The following SIX1 variants were observed in gnomAD, a reference collection of about 807,000 sequenced individuals.
The protein encoded by SIX1 is SIX homeobox 1.
Under a neutral mutation model 26.5 loss-of-function variants are expected in SIX1, and 11 were observed. The observed-to-expected ratio is 0.41, with a 90% confidence interval of 0.26 to 0.69. SIX1 has a LOEUF of 0.69. SIX1 is among the 30% of genes least tolerant of loss of function. SIX1 has a pLI of 0.28. For synonymous variants in SIX1, 177 were observed against 166.2 expected (o/e 1.06, Z -0.50); for missense variants, 333 against 365.9 (o/e 0.91, Z 0.73).
In SIX1 at chr14:60,649,096, T is replaced by G. The variant is rs1895010924; in HGVS notation, c.94A>C (p.Arg32=). The change falls in exon 1 of 2, where the codon AGG becomes CGG. Residue 32 remains arginine (R), a synonymous_variant. Transcript: ENST00000645694. The surrounding 1 kb of genome is among the most constrained non-coding windows in gnomAD (Gnocchi z 5.1). ...QQGGNLERLG[R]FLWSLPACDH... ...CAGGCGGGCAGTGACCACAGGAACC[T>G]GCCCAGGCGCTCCAGGTTTCCGCCT... 6.2e-7 allele frequency: 1 copy of G among 1,613,274 alleles called. No individual in the cohort carries two copies. Among genetic ancestry groups the G allele is most frequent in the Non-Finnish European group, 8.5e-7 (1 of 1,179,702 alleles).
Position 60,644,679 on chromosome 14 carries a change from A to T in SIX1, c.*1604T>A, listed in dbSNP as rs1163613445. On this transcript the variant is annotated 3_prime_UTR_variant, in exon 2 of 2. Transcript: ENST00000645694. ...TCTCCCTGGGGAACAATATTTTACA[A>T]AGCACAAGCAAGCCAATCCTGTTAT... 2 of 152,260 alleles carry T rather than the reference A, an allele frequency of 1.3e-5. No homozygotes were observed. The highest frequency in any genetic ancestry group is 2.9e-5 in the Non-Finnish European group (2 of 68,048). 9.4% of individuals were successfully genotyped at this position (152,260 alleles called of 1,614,324 possible). A position where few individuals can be genotyped will look rare whatever the true frequency, so the allele number is the denominator to read the frequency against.
Position 60,648,549 on chromosome 14 carries a change from G to A in SIX1, c.560+81C>T. 1 of 1,412,942 alleles carries A rather than the reference G, an allele frequency of 7.1e-7. No individual in the cohort carries two copies. Among genetic ancestry groups the A allele is most frequent in the Non-Finnish European group, 9.7e-7 (1 of 1,029,904 alleles). 87.5% of individuals were successfully genotyped at this position (1,412,942 alleles called of 1,614,324 possible). A position where few individuals can be genotyped will look rare whatever the true frequency, so the allele number is the denominator to read the frequency against. On this transcript the variant is annotated intron_variant, in intron 1 of 1. Transcript: ENST00000645694. The surrounding 1 kb of genome is among the most constrained non-coding windows in gnomAD (Gnocchi z 7.9). ...GCCGGCGGGGAGGACTTGGTGGCTG[G>A]TGCCTGCGGGGGCGGGAGGGGGCGG...
chr14:60,648,528 G>A lies in SIX1; in HGVS notation c.560+102C>T, dbSNP rs1219597321. 16 of 1,217,764 alleles carry A rather than the reference G, an allele frequency of 1.3e-5. 1 individual carries two copies. The highest frequency in any genetic ancestry group is 1.4e-5 in the South Asian group (1 of 73,894). The allele number at this position is 1,217,764 out of a possible 1,614,324, so 75.4% of individuals were successfully genotyped here. On this transcript the variant is annotated intron_variant, in intron 1 of 1. Coordinates refer to ENST00000645694, the MANE Select transcript of SIX1 (RefSeq NM_005982.4). The surrounding 1 kb of genome is among the most constrained non-coding windows in gnomAD (Gnocchi z 7.9). ...CCGCCCCGTGGACGGGCTCCGGCCG[G>A]CGGGGAGGACTTGGTGGCTGGTGCC...
In SIX1 at chr14:60,649,420, A is replaced by T; in HGVS notation, c.-231T>A. ...ACGGCCGGCGCACTCAGTAGCCTTT[A>T]AGGCCTTGCTGCCTCCGACCTCCCG... On this transcript the variant is annotated 5_prime_UTR_variant, in exon 1 of 2. Coordinates refer to ENST00000645694, the MANE Select transcript of SIX1 (RefSeq NM_005982.4). This position sits in a 1 kb window ranked among gnomAD's most constrained non-coding sequence, Gnocchi z 5.1. 2.0e-6 allele frequency: 1 copy of T among 511,716 alleles called. No homozygotes were observed. The allele number at this position is 511,716 out of a possible 1,614,324, so 31.7% of individuals were successfully genotyped here.
rs1594672738 is a variant in SIX1, at chr14:60,648,119, C to G, written c.560+511G>C. On this transcript the variant is annotated intron_variant, in intron 1 of 1. Transcript: ENST00000645694. This position sits in a 1 kb window ranked among gnomAD's most constrained non-coding sequence, Gnocchi z 7.9. ...TCCAGCTAGTGAGAAATGAAGCAGG[C>G]TACCTCTAAACCAAAAGACTATCAA... Among the ~76,000 whole-genome samples, 1 of 152,236 alleles carries G rather than the reference C, an allele frequency of 6.6e-6. No homozygotes were observed. Among genetic ancestry groups the G allele is most frequent in the East Asian group, 1.9e-4 (1 of 5,192 alleles).
chr14:60,647,187 C>A lies in SIX1; in HGVS notation c.561-610G>T, dbSNP rs1394058450. 6.6e-6 allele frequency among the ~76,000 whole-genome samples: 1 copy of A among 152,204 alleles called. No individual in the cohort carries two copies. Among genetic ancestry groups the A allele is most frequent in the East Asian group, 1.9e-4 (1 of 5,194 alleles). Reference sequence around the variant, plus strand: ...CAGTGACCTGAGTAAACACAGGGAGCGCAGCCAGTCTCTGATTTCATCTGG... The same window carrying A: ...CAGTGACCTGAGTAAACACAGGGAGAGCAGCCAGTCTCTGATTTCATCTGG... On this transcript the variant is annotated intron_variant, in intron 1 of 1. Transcript: ENST00000645694. This position sits in a 1 kb window ranked among gnomAD's most constrained non-coding sequence, Gnocchi z 5.1.
In SIX1 at chr14:60,647,700, T is replaced by C. The variant is rs1280418679; in HGVS notation, c.560+930A>G. On this transcript the variant is annotated intron_variant, in intron 1 of 1. Coordinates refer to ENST00000645694, the MANE Select transcript of SIX1 (RefSeq NM_005982.4). The surrounding 1 kb of genome is among the most constrained non-coding windows in gnomAD (Gnocchi z 5.1). ...ACCTAACCGGCCCCTGCGCTCAGGTTTTCCCCCAAACTCTTTGGCTTCGCG... is the reference window on the plus strand; with the variant it reads ...ACCTAACCGGCCCCTGCGCTCAGGTCTTCCCCCAAACTCTTTGGCTTCGCG... Among the ~76,000 whole-genome samples, 2 of 152,002 alleles carry C rather than the reference T, an allele frequency of 1.3e-5. No individual in the cohort carries two copies. Among genetic ancestry groups the C allele is most frequent in the Admixed American group, 6.5e-5 (1 of 15,270 alleles).
rs1162462261 is a variant in SIX1, at chr14:60,647,544, C to T, written c.561-967G>A. Among the ~76,000 whole-genome samples the T allele has an allele frequency of 6.6e-6, 1 of 152,226 alleles. No homozygotes were observed. Among genetic ancestry groups the T allele is most frequent in the East Asian group, 1.9e-4 (1 of 5,196 alleles). On this transcript the variant is annotated intron_variant, in intron 1 of 1. Coordinates refer to ENST00000645694, the MANE Select transcript of SIX1 (RefSeq NM_005982.4). This position sits in a 1 kb window ranked among gnomAD's most constrained non-coding sequence, Gnocchi z 5.1. ...TAGCGCCTGTCTGTCTCCTTTCTTT[C>T]CCCTTATCCTCACAGTCTCTGTCTC...
chr14:60,646,266 C>A lies in SIX1; in HGVS notation c.*17G>T. 6.2e-7 allele frequency: 1 copy of A among 1,609,830 alleles called. No individual in the cohort carries two copies. The highest frequency in any genetic ancestry group is 8.5e-7 in the Non-Finnish European group (1 of 1,177,970). ...TGCTGCTCCAGGAATCCCTTCGAGG[C>A]CCCAGTCCCTCCCCACTTAGGACCC... On this transcript the variant is annotated 3_prime_UTR_variant, in exon 2 of 2. Transcript: ENST00000645694.
Position 60,645,515 on chromosome 14 carries a change from T to TAA in SIX1, c.*767_*768insTT, listed in dbSNP as rs199935032. The TAA allele has an allele frequency of 1.3e-4, 7 of 52,452 alleles. No individual in the cohort carries two copies. The highest frequency in any genetic ancestry group is 3.1e-4 in the African/African-American group (7 of 22,816). The allele number at this position is 52,452 out of a possible 1,614,324, so 3.2% of individuals were successfully genotyped here. A position where few individuals can be genotyped will look rare whatever the true frequency, so the allele number is the denominator to read the frequency against. ...TTGGTACATTTTTAGAGTTTGTCAT[T>TAA]TAAAAAAAAAAAACCCAAGAAAACA... On this transcript the variant is annotated 3_prime_UTR_variant, in exon 2 of 2. Coordinates refer to ENST00000645694, the MANE Select transcript of SIX1 (RefSeq NM_005982.4). This position sits in a 1 kb window ranked among gnomAD's most constrained non-coding sequence, Gnocchi z 4.6.
rs781300988 is a variant in SIX1 at position 60,648,821 on chromosome 14, G to A, written c.369C>T (p.Asp123=). 4.3e-6 allele frequency: 7 copies of A among 1,614,214 alleles called. No homozygotes were observed. Among genetic ancestry groups the A allele is most frequent in the Non-Finnish European group, 5.1e-6 (6 of 1,180,038 alleles). Residue 123 remains aspartate (D), a synonymous_variant, in exon 1 of 2, where the codon GAC becomes GAT. Coordinates refer to ENST00000645694, the MANE Select transcript of SIX1 (RefSeq NM_005982.4). The surrounding 1 kb of genome is among the most constrained non-coding windows in gnomAD (Gnocchi z 7.9). ...TGAAGCAGTAGCTGGTCTCCTCGCCGTCCCAGATGGTGCGCGGCAGTGGAA... is the reference window on the plus strand; with the variant it reads ...TGAAGCAGTAGCTGGTCTCCTCGCCATCCCAGATGGTGCGCGGCAGTGGAA... ...RKFPLPRTIW[D]GEETSYCFKE...
chr14:60,648,788 C>G lies in SIX1; in HGVS notation c.402G>C (p.Lys134Asn). ...ACCACTCCCGCAGGACACCCCTCGA[C>G]TTCTCCTTGAAGCAGTAGCTGGTCT... The part of the protein sequence containing the change: ...GEETSYCFKE[K>N]SRGVLREWYA... Residue 134 changes from lysine (K) to asparagine (N), a missense_variant, in exon 1 of 2, where the codon AAG becomes AAC. This residue lies in a region of SIX1 where 199 missense variants were observed against 215.2 expected (regional missense o/e 0.92). Coordinates refer to ENST00000645694, the MANE Select transcript of SIX1 (RefSeq NM_005982.4). This position sits in a 1 kb window ranked among gnomAD's most constrained non-coding sequence, Gnocchi z 7.9. The G allele has an allele frequency of 6.2e-7, 1 of 1,614,228 alleles. No individual in the cohort carries two copies. The highest frequency in any genetic ancestry group is 8.5e-7 in the Non-Finnish European group (1 of 1,180,026).
chr14:60,646,670 T>A, intron 1 of SIX1, 93 bp from the exon 2 acceptor site: 3 of 1,041,266 alleles, frequency 2.9e-6, no homozygotes, highest in Non-Finnish European at 4.1e-6. Flanking sequence ...GGAGGGGAGC[T>A]GGAAGGAGGA....
rs1281443977 is a variant in SIX1 at position 60,647,018 on chromosome 14, T to G, written c.561-441A>C. 6.6e-6 allele frequency among the ~76,000 whole-genome samples: 1 copy of G among 152,218 alleles called. No homozygotes were observed. The highest frequency in any genetic ancestry group is 1.5e-5 in the Non-Finnish European group (1 of 68,034). ...AGAAATGATAGAGGACAGAGTCCAA[T>G]GCACAAATGTTTGGGGTGAATCAAG... On this transcript the variant is annotated intron_variant, in intron 1 of 1. Transcript: ENST00000645694. The surrounding 1 kb of genome is among the most constrained non-coding windows in gnomAD (Gnocchi z 5.1).
At chr14:60,646,685 G>C in intron 1 of SIX1, 108 bp from the exon 2 acceptor site, 2 of 959,788 alleles carry the variant, frequency 2.1e-6, no homozygotes, top group Non-Finnish European at 3.1e-6. Context: ...GGAGGAAAGG[G>C]CCATTGTGCA....
Position 60,648,554 on chromosome 14 carries a change from T to C in SIX1, c.560+76A>G, listed in dbSNP as rs1894994546. On this transcript the variant is annotated intron_variant, in intron 1 of 1. Transcript: ENST00000645694. The surrounding 1 kb of genome is among the most constrained non-coding windows in gnomAD (Gnocchi z 7.9). ...CGGGGAGGACTTGGTGGCTGGTGCC[T>C]GCGGGGGCGGGAGGGGGCGGAGGAG... The C allele has an allele frequency of 5.5e-6, 8 of 1,450,574 alleles. No homozygotes were observed. The highest frequency in any genetic ancestry group is 7.5e-6 in the Non-Finnish European group (8 of 1,062,958). 89.9% of individuals were successfully genotyped at this position (1,450,574 alleles called of 1,614,324 possible). A position where few individuals can be genotyped will look rare whatever the true frequency, so the allele number is the denominator to read the frequency against.
rs1399537579 is a variant in SIX1 at position 60,645,060 on chromosome 14, T to C, written c.*1223A>G. On this transcript the variant is annotated 3_prime_UTR_variant, in exon 2 of 2. Coordinates refer to ENST00000645694, the MANE Select transcript of SIX1 (RefSeq NM_005982.4). The surrounding 1 kb of genome is among the most constrained non-coding windows in gnomAD (Gnocchi z 4.6). ...TGGTAAACAAAATTGCATATCTAAA[T>C]AATAGAAGTTAATAAATACCCCAAG... 1 of 152,184 alleles carries C rather than the reference T, an allele frequency of 6.6e-6. No homozygotes were observed. Among genetic ancestry groups the C allele is most frequent in the African/African-American group, 2.4e-5 (1 of 41,456 alleles). 9.4% of individuals were successfully genotyped at this position (152,184 alleles called of 1,614,324 possible).
Position 60,649,392 on chromosome 14 carries a change from G to C in SIX1, c.-203C>G, listed in dbSNP as rs1173144608. On this transcript the variant is annotated 5_prime_UTR_variant, in exon 1 of 2. Coordinates refer to ENST00000645694, the MANE Select transcript of SIX1 (RefSeq NM_005982.4). This position sits in a 1 kb window ranked among gnomAD's most constrained non-coding sequence, Gnocchi z 5.1. ...GAGGAGTAGGGGAGGTTCTGGACAC[G>C]GAACGGCCGGCGCACTCAGTAGCCT... 1.2e-5 allele frequency: 7 copies of C among 581,044 alleles called. No homozygotes were observed. The highest frequency in any genetic ancestry group is 2.1e-5 in the South Asian group (1 of 48,238). The allele number at this position is 581,044 out of a possible 1,614,324, so 36.0% of individuals were successfully genotyped here. A position where few individuals can be genotyped will look rare whatever the true frequency, so the allele number is the denominator to read the frequency against.
chr14:60,647,700 T>A lies in SIX1; in HGVS notation c.560+930A>T, dbSNP rs1280418679. On this transcript the variant is annotated intron_variant, in intron 1 of 1. Transcript: ENST00000645694. The surrounding 1 kb of genome is among the most constrained non-coding windows in gnomAD (Gnocchi z 5.1). ...ACCTAACCGGCCCCTGCGCTCAGGT[T>A]TTCCCCCAAACTCTTTGGCTTCGCG... is the stretch of plus-strand genomic sequence containing the variant. 6.6e-6 allele frequency among the ~76,000 whole-genome samples: 1 copy of A among 152,002 alleles called. No homozygotes were observed. The highest frequency in any genetic ancestry group is 1.5e-5 in the Non-Finnish European group (1 of 68,014).
Sources: allele counts gnomAD v4.1 joint callset (sites outside exome capture counted in the v4.1 genomes callset), GRCh38; gene constraint gnomAD v4.1.1; regional missense constraint gnomAD v4.1.1; non-coding constraint Gnocchi (gnomAD v3.1); transcripts MANE v1.5; gene names NCBI Gene and HGNC (gene_info 2026-07-23, HGNC 2026-07-21).